Variants in EIF3J observed in about 807,000 individuals in gnomAD.
EIF3J encodes eukaryotic translation initiation factor 3, subunit 1 (alpha, 35kD).
EIF3J carries 15 observed loss-of-function variants against 39.0 expected under a neutral mutation model. That is an observed-to-expected ratio of 0.38 (90% CI 0.26 to 0.59). The LOEUF is 0.59. EIF3J is among the 20% of genes least tolerant of loss of function. EIF3J has a pLI of 0.60. For missense variants in EIF3J, 226 were observed against 308.6 expected (o/e 0.73, Z 2.00); for synonymous variants, 98 against 112.9 (o/e 0.87, Z 0.84).
At chr15:44,543,362 T>C (rs2082027289) in intron 2 of EIF3J, among the ~76,000 whole-genome samples, 1 of 152,036 alleles carries the variant, frequency 6.6e-6, no homozygotes, top group Non-Finnish European at 1.5e-5. Flanking sequence ...ATGGTCCTTT[T>C]ATGAATTGAG....
At chr15:44,549,722 G>A (rs1442163293) in intron 2 of EIF3J, among the ~76,000 whole-genome samples, 3 of 132,742 alleles carry the variant, frequency 2.3e-5, no homozygotes, top group Non-Finnish European at 4.6e-5. Context: ...AGCTGAGATC[G>A]TCCCTGTATT....
chr15:44,541,969 A>T (rs183643120), intron 2 of EIF3J, among the ~76,000 whole-genome samples: 2 of 152,336 alleles, frequency 1.3e-5, no homozygotes, highest in Admixed American at 1.3e-4. Flanking sequence ...TTTTCTTGTC[A>T]TGATGGATCA....
At chr15:44,539,636 G>A (rs1176113944) in intron 2 of EIF3J, among the ~76,000 whole-genome samples, 2 of 151,892 alleles carry the variant, frequency 1.3e-5, no homozygotes, top group African/African-American at 4.8e-5. Flanking sequence ...TCCTGACCTT[G>A]TGATCTGCCC....
chr15:44,550,676 T>A (rs2082091537), intron 2 of EIF3J, 200 bp from the exon 3 acceptor site: 1 of 448,844 alleles, frequency 2.2e-6, no homozygotes, highest in Non-Finnish European at 4.1e-6. Flanking sequence ...ATGTACTTGA[T>A]CAAATGGAAA....
At chr15:44,560,083 C>T (rs2082179082) in intron 6 of EIF3J, among the ~76,000 whole-genome samples, 166 bp from the exon 7 acceptor site, 1 of 152,122 alleles carries the variant, frequency 6.6e-6, no homozygotes, top group South Asian at 2.1e-4. Context: ...ATTCATGGTC[C>T]TTTCAAAGTT....
At chr15:44,540,235 C>CTATATA (rs1158019805) in intron 2 of EIF3J, among the ~76,000 whole-genome samples, 54 of 76,246 alleles carry the variant, frequency 7.1e-4, no homozygotes, top group African/African-American at 2.1e-3. Flanking sequence ...CCGCGCCTGG[C>CTATATA]TATATATATA....
At chr15:44,541,845 T>G (rs1014744127) in intron 2 of EIF3J, among the ~76,000 whole-genome samples, 3 of 152,192 alleles carry the variant, frequency 2.0e-5, no homozygotes, top group African/African-American at 7.2e-5. Flanking sequence ...ATCCCCACTT[T>G]CCTCCTCCAA....
At chr15:44,554,839 G>T (rs2082131695) in intron 5 of EIF3J, among the ~76,000 whole-genome samples, 172 bp downstream of exon 5, 7 of 152,088 alleles carry the variant, frequency 4.6e-5, no homozygotes, top group Admixed American at 4.6e-4. Flanking sequence ...TCAGATTTTT[G>T]AATAATTGTT....
chr15:44,554,909 T>C (rs1002859535), intron 5 of EIF3J, among the ~76,000 whole-genome samples: 1 of 152,060 alleles, frequency 6.6e-6, no homozygotes, highest in Non-Finnish European at 1.5e-5. Flanking sequence ...CAAAAAGGAG[T>C]AGACTCAGAT....
In EIF3J at chr15:44,561,225, C is replaced by T; in HGVS notation, c.*76C>T. On this transcript the variant is annotated 3_prime_UTR_variant, in exon 8 of 8. Coordinates refer to ENST00000261868, the MANE Select transcript of EIF3J (RefSeq NM_003758.4). ...CATGTAGCACAACTTCCTTTCCTTT[C>T]AGTTCTGCCAAATGCTACAATCAGA... is the stretch of plus-strand genomic sequence containing the variant. 1 of 1,496,970 alleles carries T rather than the reference C, an allele frequency of 6.7e-7. No individual in the cohort carries two copies. Among genetic ancestry groups the T allele is most frequent in the Admixed American group, 1.9e-5 (1 of 52,436 alleles). The allele number at this position is 1,496,970 out of a possible 1,614,324, so 92.7% of individuals were successfully genotyped here. A position where few individuals can be genotyped will look rare whatever the true frequency, so the allele number is the denominator to read the frequency against.
intron 2 of EIF3J, chr15:44,550,608 A>G (rs1266476038): frequency 2.3e-5 from 6 of 255,872 alleles, no homozygotes; most frequent in African/African-American, 1.3e-4. Context: ...ATCTAAAGAG[A>G]AATGCGCAGA....
Position 44,561,178 on chromosome 15 carries a change from A to C in EIF3J, c.*29A>C. 6.3e-7 allele frequency: 1 copy of C among 1,599,700 alleles called. No homozygotes were observed. On this transcript the variant is annotated 3_prime_UTR_variant, in exon 8 of 8. Coordinates refer to ENST00000261868, the MANE Select transcript of EIF3J (RefSeq NM_003758.4). ...TTTATCTTTTCTTGGTGTCATCTTTATGTTGCCCACAATCCCTTGAACATG... is the reference window on the plus strand; with the variant it reads ...TTTATCTTTTCTTGGTGTCATCTTTCTGTTGCCCACAATCCCTTGAACATG...
chr15:44,543,417 C>CTTTTTT (rs759322625), intron 2 of EIF3J, among the ~76,000 whole-genome samples: 2,897 of 135,276 alleles, frequency 0.021, 89 homozygotes, highest in African/African-American at 0.064. Context: ...ATAGGAACCA[C>CTTTTTT]TTTTTTTTTT....
chr15:44,545,523 T>C (rs193276038), intron 2 of EIF3J, among the ~76,000 whole-genome samples: 11 of 152,368 alleles, frequency 7.2e-5, no homozygotes, highest in Admixed American at 2.6e-4. Flanking sequence ...AATCATTTTA[T>C]TTTCAATAAA....
rs2082204399 is a variant in EIF3J, at chr15:44,562,107, A to G, written c.*958A>G. 6.6e-6 allele frequency: 1 copy of G among 152,658 alleles called. No homozygotes were observed. The highest frequency in any genetic ancestry group is 6.5e-5 in the Admixed American group (1 of 15,280). 9.5% of individuals were successfully genotyped at this position (152,658 alleles called of 1,614,324 possible). On this transcript the variant is annotated 3_prime_UTR_variant, in exon 8 of 8. Coordinates refer to ENST00000261868, the MANE Select transcript of EIF3J (RefSeq NM_003758.4). ...GACTTAAATTTTGTGTTACCTCCCA[A>G]GAGATACTTTTTGAGAGTATAGAAC... is the stretch of plus-strand genomic sequence containing the variant.
rs534256663 is a variant in EIF3J at position 44,538,170 on chromosome 15, T to TTTG, written c.147+758_147+760dup. ...GTTGTAGATGACGGGCCCGTGGTTT[T>TTTG]TTGTTGTTGTTGTTGTTTTGTCTGT... is the stretch of plus-strand genomic sequence containing the variant. On this transcript the variant is annotated intron_variant, in intron 2 of 7. Coordinates refer to ENST00000261868, the MANE Select transcript of EIF3J (RefSeq NM_003758.4). 2.4e-3 allele frequency among the ~76,000 whole-genome samples: 358 copies of TTTG among 152,248 alleles called. 1 individual carries two copies. Among genetic ancestry groups the TTTG allele is most frequent in the African/African-American group, 8.0e-3 (333 of 41,550 alleles).
chr15:44,547,437 ATTCT>A (rs920370732), intron 2 of EIF3J, among the ~76,000 whole-genome samples: 2 of 118,492 alleles, frequency 1.7e-5, no homozygotes, highest in Non-Finnish European at 3.4e-5. Context: ...GCCGGCCTTG[ATTCT>A]TTTTTTTTTT....
intron 2 of EIF3J, among the ~76,000 whole-genome samples, chr15:44,549,006 C>G (rs1428411473): frequency 6.6e-6 from 1 of 151,030 alleles, no homozygotes; most frequent in South Asian, 2.1e-4. Context: ...TATCATAACA[C>G]AAGAAAAAAA....
intron 2 of EIF3J, among the ~76,000 whole-genome samples, chr15:44,541,839 C>G (rs1398702354): frequency 2.0e-5 from 3 of 152,196 alleles, no homozygotes; most frequent in Non-Finnish European, 4.4e-5. Flanking sequence ...CTCTGTATCC[C>G]CACTTTCCTC....
Sources: allele counts gnomAD v4.1 joint callset (sites outside exome capture counted in the v4.1 genomes callset), GRCh38; gene constraint gnomAD v4.1.1; transcripts MANE v1.5; gene names NCBI Gene and HGNC (gene_info 2026-07-23, HGNC 2026-07-21).